SNTG1: variants seen among roughly 807,000 people sequenced by gnomAD.
SNTG1 encodes the protein syntrophin gamma 1, also known as gamma-1-syntrophin.
SNTG1 carries 39 observed loss-of-function variants against 74.7 expected under a neutral mutation model. The ratio of observed to expected loss-of-function variants is 0.52; its 90% confidence interval spans 0.40 to 0.68. The LOEUF (loss-of-function observed/expected upper bound fraction) is 0.68, where lower values mean the gene tolerates loss of function less well. SNTG1 is among the 30% of genes least tolerant of loss of function. SNTG1 has a pLI of 0.00. For missense variants in SNTG1, 685 were observed against 609.5 expected (o/e 1.12, Z -1.30); for synonymous variants, 254 against 217.1 (o/e 1.17, Z -1.49).
intron 8 of SNTG1, among the ~76,000 whole-genome samples, chr8:50,476,857 G>GACACACACAGAC (rs1554540527): frequency 2.1e-5 from 3 of 145,974 alleles, no homozygotes; most frequent in African/African-American, 2.5e-5. Context: ...GACACACACA[G>GACACACACAGAC]ACACACACAC....
intron 8 of SNTG1, among the ~76,000 whole-genome samples, chr8:50,482,082 G>A (rs1237033471): frequency 3.9e-5 from 6 of 152,182 alleles, no homozygotes; most frequent in African/African-American, 1.4e-4. Flanking sequence ...ACAAATTGCT[G>A]CCCTAATCAA....
intron 13 of SNTG1, among the ~76,000 whole-genome samples, chr8:50,651,112 C>T (rs921005915): frequency 1.3e-5 from 2 of 152,098 alleles, no homozygotes; most frequent in Non-Finnish European, 2.9e-5. Context: ...TATGCTGATG[C>T]TTGCCATGAG....
intron 8 of SNTG1, among the ~76,000 whole-genome samples, chr8:50,466,398 A>T (rs904799748): frequency 6.6e-6 from 1 of 151,872 alleles, no homozygotes; most frequent in African/African-American, 2.4e-5. Flanking sequence ...TCTTCCATTG[A>T]TCATGTGTAT....
intron 1 of SNTG1, among the ~76,000 whole-genome samples, chr8:50,065,438 T>G (rs1040255892): frequency 2.3e-4 from 35 of 152,182 alleles, no homozygotes; most frequent in African/African-American, 8.2e-4. Context: ...GCATTTTAAT[T>G]TCAAATCCAA....
intron 2 of SNTG1, among the ~76,000 whole-genome samples, chr8:50,245,134 G>C (rs1361773138): frequency 6.6e-6 from 1 of 151,900 alleles, no homozygotes; most frequent in Admixed American, 6.6e-5. Context: ...TCATTCTCTG[G>C]GTCAGTCAGA....
intron 2 of SNTG1, among the ~76,000 whole-genome samples, chr8:50,352,374 A>G (rs2091688205): frequency 6.6e-6 from 1 of 150,660 alleles, no homozygotes; most frequent in African/African-American, 2.4e-5. Context: ...CATCCTCCTT[A>G]TGGTTTTTGG....
At chr8:50,244,308 G>C (rs1397459191) in intron 2 of SNTG1, among the ~76,000 whole-genome samples, 1 of 152,118 alleles carries the variant, frequency 6.6e-6, no homozygotes, top group Non-Finnish European at 1.5e-5. Context: ...AATTCAACAT[G>C]AGATTTAAGA....
At chr8:50,750,174 GA>G (rs2095564142) in intron 17 of SNTG1, among the ~76,000 whole-genome samples, 1 of 152,008 alleles carries the variant, frequency 6.6e-6, no homozygotes. Context: ...AGAGGTTCAG[GA>G]CTTCAGTGAA....
intron 8 of SNTG1, among the ~76,000 whole-genome samples, chr8:50,480,766 A>T (rs2093733711): frequency 6.6e-6 from 1 of 152,298 alleles, no homozygotes; most frequent in South Asian, 2.1e-4. Context: ...TTAATAATAA[A>T]TTGGGAAAAT....
At chr8:49,962,167 G>T (rs1048421446) in intron 1 of SNTG1, among the ~76,000 whole-genome samples, 16 of 152,194 alleles carry the variant, frequency 1.1e-4, no homozygotes, top group Non-Finnish European at 2.2e-4. Flanking sequence ...GAGAGCACAG[G>T]TGACTGTCTG....
chr8:50,110,035 G>C (rs1240456552), intron 1 of SNTG1, among the ~76,000 whole-genome samples: 1 of 152,106 alleles, frequency 6.6e-6, no homozygotes, highest in Non-Finnish European at 1.5e-5. Context: ...GTGCAAACCA[G>C]GAATTGGATA....
At chr8:50,508,771 G>T (rs975289090) in intron 9 of SNTG1, among the ~76,000 whole-genome samples, 5 of 152,034 alleles carry the variant, frequency 3.3e-5, no homozygotes, top group African/African-American at 7.2e-5. Flanking sequence ...GGGATTGTTT[G>T]TTTTTTTCTT....
At chr8:50,283,562 C>T (rs890684225) in intron 2 of SNTG1, among the ~76,000 whole-genome samples, 7 of 152,122 alleles carry the variant, frequency 4.6e-5, no homozygotes, top group Middle Eastern at 3.4e-3. Flanking sequence ...ATTTTATATC[C>T]GTCAATTCCA....
intron 17 of SNTG1, among the ~76,000 whole-genome samples, chr8:50,740,470 C>A (rs1262531276): frequency 2.0e-5 from 3 of 149,450 alleles, no homozygotes; most frequent in Admixed American, 6.7e-5. Flanking sequence ...AGAAACAAAA[C>A]AAAACAAAAC....
intron 15 of SNTG1, among the ~76,000 whole-genome samples, chr8:50,702,144 G>T (rs1347915829): frequency 6.6e-6 from 1 of 151,660 alleles, no homozygotes; most frequent in African/African-American, 2.4e-5. Flanking sequence ...GAGCCACTGC[G>T]CCCAGCCTCT....
intron 1 of SNTG1, among the ~76,000 whole-genome samples, chr8:50,139,176 A>G (rs1338332660): frequency 6.6e-6 from 1 of 152,182 alleles, no homozygotes; most frequent in Admixed American, 6.6e-5. Flanking sequence ...TCAGATTACA[A>G]TGAATTCTGA....
At chr8:49,989,192 G>A (rs1247934857) in intron 1 of SNTG1, among the ~76,000 whole-genome samples, 3 of 151,778 alleles carry the variant, frequency 2.0e-5, no homozygotes, top group Admixed American at 6.6e-5. Flanking sequence ...TTCTAAAATC[G>A]ACAAACTTTT....
intron 2 of SNTG1, among the ~76,000 whole-genome samples, chr8:50,207,934 T>TTTG (rs1248695839): frequency 1.3e-5 from 2 of 152,200 alleles, no homozygotes; most frequent in African/African-American, 4.8e-5. Context: ...TCAGAGACAG[T>TTTG]TTGTTATAAT....
intron 1 of SNTG1, among the ~76,000 whole-genome samples, chr8:50,004,008 C>G (rs893082541): frequency 2.0e-5 from 3 of 152,068 alleles, no homozygotes; most frequent in African/African-American, 7.2e-5. Flanking sequence ...TTTTGATCGT[C>G]AGGACTTGCA....
Sources: allele counts gnomAD v4.1 joint callset (sites outside exome capture counted in the v4.1 genomes callset), GRCh38; gene constraint gnomAD v4.1.1; transcripts MANE v1.5; gene names NCBI Gene and HGNC (gene_info 2026-07-23, HGNC 2026-07-21).